The following ARMC9 variants were observed in gnomAD, a reference collection of about 807,000 sequenced individuals.
The protein encoded by ARMC9 is lisH domain-containing protein ARMC9.
A neutral mutation model predicts 107.0 loss-of-function variants in ARMC9; 94 were observed. The observed-to-expected ratio is 0.88, with a 90% CI of 0.74 to 1.04. The LOEUF (loss-of-function observed/expected upper bound fraction) is 1.04. ARMC9 is among the 50% of genes least tolerant of loss of function. ARMC9 has a pLI of 0.00. For missense variants in ARMC9, 942 were observed against 1,030.1 expected (o/e 0.91, Z 1.17); for synonymous variants, 380 against 396.9 (o/e 0.96, Z 0.51).
intron 19 of ARMC9, among the ~76,000 whole-genome samples, chr2:231,331,440 T>TA (rs970487191): frequency 1.9e-4 from 27 of 139,468 alleles, no homozygotes; most frequent in African/African-American, 5.5e-4. Flanking sequence ...GGCCTGTGTA[T>TA]GACTGACTGG....
chr2:231,359,073 G>C (rs2045458878), intron 22 of ARMC9, among the ~76,000 whole-genome samples: 1 of 142,392 alleles, frequency 7.0e-6, no homozygotes, highest in South Asian at 2.1e-4. Context: ...TTAGTTAGGG[G>C]GGTCTCCTGT....
chr2:231,205,530 G>C (rs1040958651), intron 1 of ARMC9, among the ~76,000 whole-genome samples: 2 of 152,150 alleles, frequency 1.3e-5, no homozygotes, highest in African/African-American at 4.8e-5. Context: ...AACTGCTTTG[G>C]GCTGAGCCTG....
intron 9 of ARMC9, among the ~76,000 whole-genome samples, chr2:231,251,771 G>C (rs1399926151): frequency 6.6e-6 from 1 of 152,068 alleles, no homozygotes; most frequent in Non-Finnish European, 1.5e-5. Flanking sequence ...TGTCACCAAG[G>C]CTGCACCGCA....
Position 231,255,585 on chromosome 2 carries a change from C to G in ARMC9, c.880-1001C>G, listed in dbSNP as rs996199291. Among the ~76,000 whole-genome samples the G allele has an allele frequency of 4.6e-5, 7 of 151,988 alleles. No individual in the cohort carries two copies. Among genetic ancestry groups the G allele is most frequent in the African/African-American group, 1.7e-4 (7 of 41,358 alleles). ...AAATAAAGGAATCAAAGAATGGTTA[C>G]TCCGTAGGCAGAGCAGCCTCTAGAG... On this transcript the variant is annotated intron_variant, in intron 9 of 24. Coordinates refer to ENST00000611582, the MANE Select transcript of ARMC9 (RefSeq NM_001352754.2). This position sits in a 1 kb window ranked among gnomAD's most constrained non-coding sequence, Gnocchi z 4.7.
At chr2:231,342,088 T>C (rs925179158) in intron 20 of ARMC9, among the ~76,000 whole-genome samples, 2 of 152,194 alleles carry the variant, frequency 1.3e-5, no homozygotes, top group African/African-American at 4.8e-5. Context: ...AAGGCTTCTT[T>C]GCAACTGAGG....
intron 23 of ARMC9, among the ~76,000 whole-genome samples, chr2:231,361,948 GCTT>G (rs1256938697): frequency 6.6e-6 from 1 of 152,204 alleles, no homozygotes; most frequent in Non-Finnish European, 1.5e-5. Flanking sequence ...AGTGTGCTGA[GCTT>G]CCTTGGGTGG....
At chr2:231,361,459 C>CAAAAAA (rs2045576277) in intron 23 of ARMC9, among the ~76,000 whole-genome samples, 1 of 117,246 alleles carries the variant, frequency 8.5e-6, no homozygotes, top group African/African-American at 4.2e-5. Flanking sequence ...AATCAAAAAA[C>CAAAAAA]TAAAAAAAAA....
intron 19 of ARMC9, among the ~76,000 whole-genome samples, chr2:231,304,431 A>G (rs1006821207): frequency 7.9e-5 from 12 of 152,248 alleles, no homozygotes; most frequent in Admixed American, 3.3e-4. Flanking sequence ...GTCTCACTCT[A>G]TCGCCCAGGC....
chr2:231,338,912 A>G (rs1330481757), intron 20 of ARMC9, among the ~76,000 whole-genome samples: 1 of 152,184 alleles, frequency 6.6e-6, no homozygotes, highest in African/African-American at 2.4e-5. Context: ...CCGAGAAAGA[A>G]AAAAAGATTA....
chr2:231,259,637 C>G (rs1264248934), intron 11 of ARMC9, among the ~76,000 whole-genome samples: 1 of 152,138 alleles, frequency 6.6e-6, no homozygotes, highest in Non-Finnish European at 1.5e-5. Flanking sequence ...GACTGAGGAC[C>G]TCAGAGAGCT....
chr2:231,233,524 C>T (rs924667479), intron 7 of ARMC9, among the ~76,000 whole-genome samples: 2 of 152,206 alleles, frequency 1.3e-5, no homozygotes, highest in African/African-American at 2.4e-5. Context: ...CACCTGTAAT[C>T]CCAGCACTTT....
intron 8 of ARMC9, among the ~76,000 whole-genome samples, chr2:231,237,989 G>T (rs1000534504): frequency 2.0e-5 from 3 of 151,636 alleles, no homozygotes; most frequent in African/African-American, 7.3e-5. Flanking sequence ...AACTCCAGAA[G>T]AAGAGACCTG....
chr2:231,254,553 G>A (rs895947223), intron 9 of ARMC9, among the ~76,000 whole-genome samples: 10 of 151,608 alleles, frequency 6.6e-5, no homozygotes, highest in African/African-American at 1.7e-4. Context: ...GCATGGTGGC[G>A]CACACCCGTA....
At chr2:231,264,536 C>T (rs1018302159) in intron 12 of ARMC9, among the ~76,000 whole-genome samples, 1 of 150,814 alleles carries the variant, frequency 6.6e-6, no homozygotes, top group Non-Finnish European at 1.5e-5. Flanking sequence ...TCACTCTAGT[C>T]GCCCAGGCTG....
At chr2:231,251,117 T>G (rs2037257152) in intron 9 of ARMC9, among the ~76,000 whole-genome samples, 1 of 152,092 alleles carries the variant, frequency 6.6e-6, no homozygotes, top group African/African-American at 2.4e-5. Context: ...ACCTGATACT[T>G]TGGGAGATGT....
chr2:231,358,913 T>C lies in ARMC9; in HGVS notation c.2132-1841T>C, dbSNP rs1408188712. 6.6e-6 allele frequency among the ~76,000 whole-genome samples: 1 copy of C among 152,138 alleles called. No homozygotes were observed. Among genetic ancestry groups the C allele is most frequent in the East Asian group, 1.9e-4 (1 of 5,196 alleles). Reference sequence around the variant, plus strand: ...CCCCACCAACCAGGACTATCTTCAATATCAAAATCACATGCCTTGGGACTT... The same window carrying C: ...CCCCACCAACCAGGACTATCTTCAACATCAAAATCACATGCCTTGGGACTT... On this transcript the variant is annotated intron_variant, in intron 22 of 24. Coordinates refer to ENST00000611582, the MANE Select transcript of ARMC9 (RefSeq NM_001352754.2). The surrounding 1 kb of genome is among the most constrained non-coding windows in gnomAD (Gnocchi z 4.5).
chr2:231,270,922 G>A (rs1332326659), intron 12 of ARMC9, 60 bp from the exon 13 acceptor site: 3 of 1,426,626 alleles, frequency 2.1e-6, no homozygotes, highest in East Asian at 2.3e-5. Context: ...CCGAAGAGGA[G>A]GCGTGTGTTT....
At chr2:231,281,844 G>T (rs939471961) in intron 16 of ARMC9, among the ~76,000 whole-genome samples, 1 of 152,270 alleles carries the variant, frequency 6.6e-6, no homozygotes, top group African/African-American at 2.4e-5. Flanking sequence ...AGGGAGTGAC[G>T]AATTTGGTTT....
intron 8 of ARMC9, among the ~76,000 whole-genome samples, chr2:231,239,260 C>T (rs537385463): frequency 1.3e-5 from 2 of 152,138 alleles, no homozygotes; most frequent in South Asian, 4.2e-4. Context: ...TGACCACTTT[C>T]GATGTTGTAT....
Sources: allele counts gnomAD v4.1 joint callset (sites outside exome capture counted in the v4.1 genomes callset), GRCh38; gene constraint gnomAD v4.1.1; non-coding constraint Gnocchi (gnomAD v3.1); transcripts MANE v1.5; gene names NCBI Gene and HGNC (gene_info 2026-07-23, HGNC 2026-07-21).